Variants in NEMP2 observed in about 807,000 individuals in gnomAD.
The protein encoded by NEMP2 is UPF0571 transmembrane protein.
NEMP2 carries 53 observed loss-of-function variants against 54.2 expected under a neutral mutation model. That is an observed-to-expected ratio of 0.98 (90% CI 0.78 to 1.23). The LOEUF is 1.23. Ranked by LOEUF, NEMP2 falls within the 50% of genes most tolerant of loss-of-function variation. The probability of loss-of-function intolerance (pLI) is 0.00; values close to 1 mark genes in which losing one functional copy is unlikely to be tolerated. For synonymous variants in NEMP2, 197 were observed against 190.3 expected, an observed-to-expected ratio of 1.04 and a Z score of -0.29; for missense variants, 455 against 511.3, an observed-to-expected ratio of 0.89 and a Z score of 1.06.
At position 190,534,708 on chromosome 2, in the gene NEMP2, G is replaced by C; in HGVS notation, c.-53C>G. On this transcript the variant is annotated 5_prime_UTR_variant, in exon 1 of 9. Transcript: ENST00000409150. ...CGAGCCCTAGGGGACCGGCTCCGCT[G>C]CGAGGAGCGGAAGTGGCGCGGGGGC... The C allele has an allele frequency of 8.4e-7, 1 of 1,195,760 alleles. No homozygotes were observed. The highest frequency in any genetic ancestry group is 3.2e-5 in the East Asian group (1 of 31,270). The allele number at this position is 1,195,760 out of a possible 1,614,324, so 74.1% of individuals were successfully genotyped here.
chr2:190,476,595 C>T, the NEMP2 span, among the ~76,000 whole-genome samples: 1 of 152,174 alleles, frequency 6.6e-6, no homozygotes, highest in Non-Finnish European at 1.5e-5. Flanking sequence ...AACACTTTTA[C>T]ACTGTTGGTG....
the NEMP2 span, among the ~76,000 whole-genome samples, chr2:190,574,016 G>A: frequency 4.6e-5 from 7 of 152,138 alleles, no homozygotes; most frequent in Non-Finnish European, 8.8e-5. Context: ...CATCCAGCTA[G>A]GAAGCTGCAG....
the NEMP2 span, among the ~76,000 whole-genome samples, chr2:190,575,379 C>A: frequency 6.6e-6 from 1 of 150,472 alleles, no homozygotes. Flanking sequence ...TAGTATAATA[C>A]TAAAGGTTAA....
the NEMP2 span, among the ~76,000 whole-genome samples, chr2:190,584,316 G>A: frequency 2.0e-5 from 3 of 152,106 alleles, no homozygotes; most frequent in Admixed American, 6.6e-5. This position sits in a 1 kb window ranked among gnomAD's most constrained non-coding sequence, Gnocchi z 4.2. Context: ...TTTGAAGCAA[G>A]CATAAACACT....
At chr2:190,437,308 A>G in the NEMP2 span, 16 of 1,614,252 alleles carry the variant, frequency 9.9e-6, no homozygotes, top group Non-Finnish European at 1.4e-5. The surrounding 1 kb of genome is among the most constrained non-coding windows in gnomAD (Gnocchi z 5.9). Flanking sequence ...ACCAACCACC[A>G]CAAGCCACTC....
At chr2:190,459,579 TCTC>T in the NEMP2 span, among the ~76,000 whole-genome samples, 3 of 152,136 alleles carry the variant, frequency 2.0e-5, no homozygotes, top group Non-Finnish European at 2.9e-5. The surrounding 1 kb of genome is among the most constrained non-coding windows in gnomAD (Gnocchi z 5.3). Context: ...TAATCAAGGT[TCTC>T]TTTTGTTTTA....
chr2:190,471,226 A>C, the NEMP2 span, among the ~76,000 whole-genome samples: 4 of 152,220 alleles, frequency 2.6e-5, no homozygotes, highest in South Asian at 8.3e-4. This position sits in a 1 kb window ranked among gnomAD's most constrained non-coding sequence, Gnocchi z 4.7. Flanking sequence ...CTCACTGGGG[A>C]TTGTCAGGCA....
At chr2:190,478,792 C>G in the NEMP2 span, among the ~76,000 whole-genome samples, 3 of 151,572 alleles carry the variant, frequency 2.0e-5, no homozygotes, top group Non-Finnish European at 4.4e-5. Flanking sequence ...TCAGCACTTC[C>G]GTTTTTTGGT....
chr2:190,477,219 T>C, the NEMP2 span: 2 of 967,658 alleles, frequency 2.1e-6, no homozygotes, highest in East Asian at 1.1e-4. Flanking sequence ...ATAATAACAA[T>C]GCATTAAACA....
At chr2:190,621,914 C>T in the NEMP2 span, among the ~76,000 whole-genome samples, 806 of 152,086 alleles carry the variant, frequency 5.3e-3, 13 homozygotes, top group African/African-American at 0.018. Context: ...TTCAAGACCA[C>T]CCTGGCCAAC....
chr2:190,601,233 G>A, the NEMP2 span, among the ~76,000 whole-genome samples: 1 of 152,092 alleles, frequency 6.6e-6, no homozygotes, highest in East Asian at 1.9e-4. This position sits in a 1 kb window ranked among gnomAD's most constrained non-coding sequence, Gnocchi z 5.8. Context: ...GAGTTATGCT[G>A]CCACAAGCCA....
In NEMP2 at chr2:190,510,423, C is replaced by T; in HGVS notation, c.1068G>A (p.Arg356=). The T allele has an allele frequency of 6.4e-7, 1 of 1,551,660 alleles. No homozygotes were observed. The highest frequency in any genetic ancestry group is 8.7e-7 in the Non-Finnish European group (1 of 1,146,988). Residue 356 remains arginine, a synonymous_variant, in exon 8 of 9, where the codon CGG becomes CGA. Transcript: ENST00000409150. The surrounding 1 kb of genome is among the most constrained non-coding windows in gnomAD (Gnocchi z 5.7). ...AGGGAAAGTCGGGTTTTCGGCAGGC[C>T]CGGCGTAGCTCCTCCAGAGCACTGT... The part of the protein sequence containing the change: ...ETNSALEELR[R]ACRKPDFPSW...
At chr2:190,481,462 C>T in the NEMP2 span, among the ~76,000 whole-genome samples, 8 of 152,242 alleles carry the variant, frequency 5.3e-5, no homozygotes, top group Non-Finnish European at 1.2e-4. Context: ...ACATGTAGAC[C>T]ACTGCCTACC....
chr2:190,489,052 T>A, the NEMP2 span, among the ~76,000 whole-genome samples: 1 of 152,218 alleles, frequency 6.6e-6, no homozygotes. The surrounding 1 kb of genome is among the most constrained non-coding windows in gnomAD (Gnocchi z 6.6). Context: ...ATCAGCTTAA[T>A]GAGATGCTAC....
chr2:190,482,307 CTT>C, the NEMP2 span, among the ~76,000 whole-genome samples: 2 of 151,942 alleles, frequency 1.3e-5, no homozygotes, highest in Non-Finnish European at 2.9e-5. Context: ...CCAATATAGA[CTT>C]TTTCTTTTAT....
the NEMP2 span, among the ~76,000 whole-genome samples, chr2:190,467,914 A>G: frequency 1.8e-3 from 278 of 152,346 alleles, 1 homozygote; most frequent in African/African-American, 6.4e-3. The surrounding 1 kb of genome is among the most constrained non-coding windows in gnomAD (Gnocchi z 5.5). Context: ...AGGAGCTGCA[A>G]CAGAGACCAT....
the NEMP2 span, among the ~76,000 whole-genome samples, chr2:190,554,867 C>A: frequency 2.6e-5 from 4 of 152,236 alleles, no homozygotes; most frequent in Admixed American, 6.5e-5. The surrounding 1 kb of genome is among the most constrained non-coding windows in gnomAD (Gnocchi z 5.7). Flanking sequence ...GACTGGGAGA[C>A]ACCTCCCAAT....
the NEMP2 span, among the ~76,000 whole-genome samples, chr2:190,554,108 A>G: frequency 6.6e-6 from 1 of 152,178 alleles, no homozygotes; most frequent in Admixed American, 6.5e-5. The surrounding 1 kb of genome is among the most constrained non-coding windows in gnomAD (Gnocchi z 5.7). Flanking sequence ...TAGGCACTGT[A>G]CCATGCACTC....
At chr2:190,646,988 G>T in the NEMP2 span, 1 of 152,204 alleles carries the variant, frequency 6.6e-6, no homozygotes, top group African/African-American at 2.4e-5. Context: ...AATTAGAAGA[G>T]AATTTTGCAG....
Sources: allele counts gnomAD v4.1 joint callset (sites outside exome capture counted in the v4.1 genomes callset), GRCh38; gene constraint gnomAD v4.1.1; non-coding constraint Gnocchi (gnomAD v3.1); transcripts MANE v1.5; gene names NCBI Gene and HGNC (gene_info 2026-07-23, HGNC 2026-07-21).